Variants in MAPK8IP3 observed in about 807,000 individuals in gnomAD.
MAPK8IP3 encodes the protein mitogen-activated protein kinase 8 interacting protein 3.
In MAPK8IP3, 49 loss-of-function variants were observed where a neutral mutation model predicts 157.8. The ratio of observed to expected loss-of-function variants is 0.31; its 90% CI spans 0.25 to 0.39. The LOEUF (loss-of-function observed/expected upper bound fraction) is 0.39. Ranked by LOEUF, MAPK8IP3 falls within the 10% of genes least tolerant of loss-of-function variation. The pLI is 1.00. For missense variants in MAPK8IP3, 1,478 were observed against 1,889.4 expected (o/e 0.78, Z 4.04); for synonymous variants, 897 against 777.7 (o/e 1.15, Z -2.55).
intron 1 of MAPK8IP3, among the ~76,000 whole-genome samples, chr16:1,713,163 G>C (rs1596539630): frequency 6.6e-6 from 1 of 152,208 alleles, no homozygotes; most frequent in African/African-American, 2.4e-5. Flanking sequence ...GTTGTATTTG[G>C]TGCTGTCCAC....
rs538478666 is a variant in MAPK8IP3, at chr16:1,765,946, G to A, written c.2447-14G>A. The A allele has an allele frequency of 9.2e-5, 148 of 1,604,222 alleles. No individual in the cohort carries two copies. The highest frequency in any genetic ancestry group is 1.2e-4 in the Non-Finnish European group (141 of 1,174,832). ...GTTCCCCCGCACAGGCTGACGGGCCGTCCCTCTCCCCAGCGGCCAGCGACA... is the reference window on the plus strand; with the variant it reads ...GTTCCCCCGCACAGGCTGACGGGCCATCCCTCTCCCCAGCGGCCAGCGACA... On this transcript the variant is annotated splice_polypyrimidine_tract_variant and intron_variant, in intron 20 of 31. Transcript: ENST00000610761.
At chr16:1,757,731 GTCTCCCTCGCCGCTC>G (rs374211597) in intron 8 of MAPK8IP3, among the ~76,000 whole-genome samples, 185 of 152,308 alleles carry the variant, frequency 1.2e-3, no homozygotes, top group African/African-American at 4.2e-3. Flanking sequence ...CGTCTGCGGT[GTCTCCCTCGCCGCTC>G]TCTCCCTCGC....
intron 2 of MAPK8IP3, among the ~76,000 whole-genome samples, chr16:1,727,952 A>T (rs2039003328): frequency 6.6e-6 from 1 of 152,226 alleles, no homozygotes; most frequent in African/African-American, 2.4e-5. Context: ...CACGCCGAGG[A>T]CAGGGCACAA....
chr16:1,713,043 G>A (rs537090482), intron 1 of MAPK8IP3, among the ~76,000 whole-genome samples: 30 of 152,246 alleles, frequency 2.0e-4, no homozygotes, highest in African/African-American at 7.0e-4. Flanking sequence ...AAGGGAAGCC[G>A]GCTTTCCTCT....
Position 1,741,463 on chromosome 16 carries a change from C to T in MAPK8IP3, c.603-1869C>T, listed in dbSNP as rs2040675388. ...AGCCGTACATGCATTCCCTTGGCCT[C>T]CTGGGAGACCAGAGGCCCCTCTGAC... On this transcript the variant is annotated intron_variant, in intron 4 of 31. Transcript: ENST00000610761. This position sits in a 1 kb window ranked among gnomAD's most constrained non-coding sequence, Gnocchi z 6.9. 6.6e-6 allele frequency among the ~76,000 whole-genome samples: 1 copy of T among 152,126 alleles called. No homozygotes were observed. The highest frequency in any genetic ancestry group is 1.5e-5 in the Non-Finnish European group (1 of 68,006).
chr16:1,753,979 C>G (rs1347538910), intron 8 of MAPK8IP3, among the ~76,000 whole-genome samples: 1 of 151,640 alleles, frequency 6.6e-6, no homozygotes, highest in East Asian at 2.0e-4. Flanking sequence ...CAAGACCAGC[C>G]TGGCCAAGAT....
At position 1,742,651 on chromosome 16, in the gene MAPK8IP3, G is replaced by A. The variant is rs957000676; in HGVS notation, c.603-681G>A. Among the ~76,000 whole-genome samples, 1 of 152,162 alleles carries A rather than the reference G, an allele frequency of 6.6e-6. No individual in the cohort carries two copies. The highest frequency in any genetic ancestry group is 2.1e-4 in the South Asian group (1 of 4,828). On this transcript the variant is annotated intron_variant, in intron 4 of 31. Coordinates refer to ENST00000610761, the MANE Select transcript of MAPK8IP3 (RefSeq NM_001318852.2). This position sits in a 1 kb window ranked among gnomAD's most constrained non-coding sequence, Gnocchi z 5.0. Reference sequence around the variant, plus strand: ...GGAAGGCTGGATTCCCTCTGCTGGCGCCAGGGGAACAGGCAGGGCTGGCAG... The same window carrying A: ...GGAAGGCTGGATTCCCTCTGCTGGCACCAGGGGAACAGGCAGGGCTGGCAG...
intron 10 of MAPK8IP3, among the ~76,000 whole-genome samples, chr16:1,759,607 C>T (rs1177443419): frequency 6.6e-6 from 1 of 152,234 alleles, no homozygotes; most frequent in Admixed American, 6.5e-5. Context: ...CTCACCGCAG[C>T]TCCAACATCA....
At chr16:1,765,921 G>C in intron 20 of MAPK8IP3, 39 bp from the exon 21 acceptor site, 2 of 1,564,544 alleles carry the variant, frequency 1.3e-6, no homozygotes, top group Non-Finnish European at 1.7e-6. Context: ...GCAGTAGTGG[G>C]TTCCCCCGCA....
chr16:1,746,852 G>A, intron 5 of MAPK8IP3, 177 bp from the exon 6 acceptor site: 1 of 697,278 alleles, frequency 1.4e-6, no homozygotes, highest in Non-Finnish European at 2.3e-6. Context: ...AGCCACTCGG[G>A]AGTGGTGAGG....
chr16:1,755,772 G>A (rs1434489783), intron 8 of MAPK8IP3, among the ~76,000 whole-genome samples: 11 of 150,858 alleles, frequency 7.3e-5, no homozygotes, highest in South Asian at 2.1e-4. Context: ...GCTTGAACCC[G>A]AGACGTGGAG....
chr16:1,747,120 C>T lies in MAPK8IP3; in HGVS notation c.839C>T (p.Ser280Phe). The T allele has an allele frequency of 6.2e-7, 1 of 1,613,970 alleles. No individual in the cohort carries two copies. Among genetic ancestry groups the T allele is most frequent in the Non-Finnish European group, 8.5e-7 (1 of 1,179,946 alleles). ...ACCAAGTCCAACACGCCCACATCCT[C>T]CGTGCCCTCGGCCGCCGTCACACCC... The part of the protein sequence containing the change: ...TGTKSNTPTS[S>F]VPSAAVTPLN... The change falls in exon 6 of 32, where the codon TCC (serine) becomes TTC (phenylalanine). Residue 280 changes from serine to phenylalanine, a missense_variant. Physicochemically the swap from Ser to Phe is radical, Grantham distance 155. Coordinates refer to ENST00000610761, the MANE Select transcript of MAPK8IP3 (RefSeq NM_001318852.2).
At chr16:1,766,682 T>C in intron 23 of MAPK8IP3, 34 bp downstream of exon 23, 1 of 1,611,766 alleles carries the variant, frequency 6.2e-7, no homozygotes, top group Non-Finnish European at 8.5e-7. Context: ...GGAGGGAGGG[T>C]CCTGGGTGAG....
rs760226914 is a variant in MAPK8IP3, at chr16:1,760,422, C to T, written c.1347C>T (p.Val449=). 1.3e-5 allele frequency: 21 copies of T among 1,613,696 alleles called. No homozygotes were observed. In the East Asian group the frequency reaches 2.0e-4, roughly 15 times the overall value. ...NVVKNDLIAK[V]DQLSGEQEVL... ...TGAAGAATGACCTGATTGCCAAGGT[C>T]GACCAGCTGTCCGGGGAGCAGGAGG... Residue 449 remains valine, a synonymous_variant, in exon 12 of 32, where the codon GTC becomes GTT. Coordinates refer to ENST00000610761, the MANE Select transcript of MAPK8IP3 (RefSeq NM_001318852.2).
chr16:1,765,103 G>A lies in MAPK8IP3; in HGVS notation c.2371G>A (p.Ala791Thr), dbSNP rs760804926. Residue 791 changes from alanine to threonine, a missense_variant, in exon 20 of 32, where the codon GCC becomes ACC. By Grantham distance (58) the Ala-to-Thr change is moderately conservative. Transcript: ENST00000610761. Reference protein sequence around the residue: ...LTTSKVVIIDANQPGTVVDQF... With the variant: ...LTTSKVVIIDTNQPGTVVDQF... ...CACCAGCAAGGTGGTGATCATCGAC[G>A]CCAACCAGCCGGGCACGGTGGTGGA... The A allele has an allele frequency of 5.6e-6, 9 of 1,612,558 alleles. No individual in the cohort carries two copies. Among genetic ancestry groups the A allele is most frequent in the Admixed American group, 3.3e-5 (2 of 60,002 alleles).
intron 4 of MAPK8IP3, among the ~76,000 whole-genome samples, chr16:1,730,675 C>T (rs2039248829): frequency 6.6e-6 from 1 of 152,122 alleles, no homozygotes; most frequent in Admixed American, 6.5e-5. Context: ...AACCCCATCT[C>T]TACTAAAAAT....
intron 4 of MAPK8IP3, among the ~76,000 whole-genome samples, chr16:1,731,552 G>A (rs2039319260): frequency 6.6e-6 from 1 of 152,196 alleles, no homozygotes; most frequent in Admixed American, 6.5e-5. Context: ...TTAGTTCCAG[G>A]GGCTCCAAGC....
intron 1 of MAPK8IP3, among the ~76,000 whole-genome samples, chr16:1,718,227 C>T (rs896113023): frequency 4.0e-5 from 6 of 150,696 alleles, no homozygotes; most frequent in Admixed American, 2.0e-4. Flanking sequence ...TCTTGTCACT[C>T]GGGCTGGAGT....
At chr16:1,761,344 C>T (rs369434379) in intron 13 of MAPK8IP3, 39 bp downstream of exon 13, 37 of 1,578,352 alleles carry the variant, frequency 2.3e-5, no homozygotes, top group Middle Eastern at 1.7e-4. Flanking sequence ...GGGGCGTCCA[C>T]CATTCACTTT....
Sources: gnomAD v4.1 joint callset for allele counts (sites outside exome capture counted in the v4.1 genomes callset) on GRCh38, gnomAD v4.1.1 for gene constraint, Gnocchi (gnomAD v3.1) non-coding constraint, MANE v1.5 for transcripts, NCBI Gene and HGNC (gene_info 2026-07-23, HGNC 2026-07-21) for gene names.